The following ZNF208 variants were observed in gnomAD, a reference collection of about 807,000 sequenced individuals.
ZNF208 encodes zinc finger protein 95.
A neutral mutation model predicts 12.1 loss-of-function variants in ZNF208; 10 were observed. The ratio of observed to expected loss-of-function variants is 0.83; its 90% CI spans 0.51 to 1.40. The LOEUF (loss-of-function observed/expected upper bound fraction) is 1.40. Among genes scored for constraint, ZNF208 ranks in the 40% most tolerant of loss-of-function variants. ZNF208 has a pLI of 0.00. For synonymous variants in ZNF208, 497 were observed against 488.4 expected (o/e 1.02, Z -0.23); for missense variants, 1,652 against 1,485.0 (o/e 1.11, Z -1.85).
intron 4 of ZNF208, among the ~76,000 whole-genome samples, chr19:21,943,863 A>G (rs1969779713): frequency 6.6e-6 from 1 of 152,234 alleles, no homozygotes; most frequent in South Asian, 2.1e-4. Flanking sequence ...GTATTGAGCC[A>G]GAATGATATG....
chr19:22,010,229 TG>T (rs1316567380), intron 1 of ZNF208, among the ~76,000 whole-genome samples: 1 of 152,096 alleles, frequency 6.6e-6, no homozygotes, highest in Non-Finnish European at 1.5e-5. Flanking sequence ...ACTACGTAAC[TG>T]TACCTAACCA....
chr19:21,957,941 C>A (rs1004147965), intron 4 of ZNF208, among the ~76,000 whole-genome samples: 10 of 151,980 alleles, frequency 6.6e-5, no homozygotes, highest in African/African-American at 2.4e-4. Context: ...CCCATTAACT[C>A]ATCATTTAGC....
rs1342128158 is a variant in ZNF208 at position 21,966,731 on chromosome 19, A to G, written c.*4460T>C. The stretch of plus-strand genomic sequence containing the variant: ...TAATTTGCATTCCCACCAACAGTGT[A>G]GAAAGATTTCCTTATCTCTACAACT... On this transcript the variant is annotated 3_prime_UTR_variant, in exon 4 of 4. Transcript: ENST00000397126. 1 of 152,184 alleles carries G rather than the reference A, an allele frequency of 6.6e-6. No homozygotes were observed. Among genetic ancestry groups the G allele is most frequent in the African/African-American group, 2.4e-5 (1 of 41,452 alleles). 9.4% of individuals were successfully genotyped at this position (152,184 alleles called of 1,614,324 possible). A position where few individuals can be genotyped will look rare whatever the true frequency, so the allele number is the denominator to read the frequency against.
At chr19:22,003,042 C>A (rs1970981695) in intron 1 of ZNF208, among the ~76,000 whole-genome samples, 2 of 152,204 alleles carry the variant, frequency 1.3e-5, no homozygotes, top group African/African-American at 4.8e-5. Context: ...AGAAATAATG[C>A]CACACACCTA....
chr19:21,984,638 T>A (rs1315585445), intron 3 of ZNF208, among the ~76,000 whole-genome samples: 2 of 152,204 alleles, frequency 1.3e-5, no homozygotes, highest in Non-Finnish European at 2.9e-5. Flanking sequence ...AAGGTTGTAA[T>A]GTTAATATTG....
At chr19:21,947,576 C>T (rs1490301247) in intron 4 of ZNF208, among the ~76,000 whole-genome samples, 1 of 152,174 alleles carries the variant, frequency 6.6e-6, no homozygotes, top group African/African-American at 2.4e-5. Flanking sequence ...CTGATAAGGC[C>T]TCATGCCCTA....
chr19:22,007,570 T>A (rs377000167), intron 1 of ZNF208, among the ~76,000 whole-genome samples: 2,627 of 132,196 alleles, frequency 0.02, 69 homozygotes, highest in African/African-American at 0.069. Flanking sequence ...TCTGAGAAAA[T>A]AAAAGATGAA....
Position 21,973,635 on chromosome 19 carries a change from T to G in ZNF208, c.1399A>C (p.Ile467Leu), listed in dbSNP as rs142011785. The change falls in exon 4 of 4, where the codon ATC (isoleucine) becomes CTC (leucine). Residue 467 changes from isoleucine to leucine, a missense_variant. Around this residue, in one of 3 missense-constraint regions of ZNF208, gnomAD observed 1,239 missense variants for 1,086.2 expected, o/e 1.14. Transcript: ENST00000397126. Reference sequence around the variant, plus strand: ...TGAATTACCTTATGTTTAGTAAGGATTGAGAACATACTAAAGCCTTTGCCA... The same window carrying G: ...TGAATTACCTTATGTTTAGTAAGGAGTGAGAACATACTAAAGCCTTTGCCA... Reference protein sequence around the residue: ...ECGKGFSMFSILTKHKVIHNG... With the variant: ...ECGKGFSMFSLLTKHKVIHNG... 2.9e-5 allele frequency: 46 copies of G among 1,611,260 alleles called. No individual in the cohort carries two copies. In the Middle Eastern group the frequency reaches 1.2e-3, roughly 41 times the overall value.
intron 3 of ZNF208, among the ~76,000 whole-genome samples, chr19:21,983,257 C>G (rs1264110712): frequency 6.6e-6 from 1 of 151,922 alleles, no homozygotes; most frequent in Admixed American, 6.6e-5. Context: ...TGAAAAAAAG[C>G]ACATCATCAC....
At chr19:21,980,599 C>T (rs192985116) in intron 3 of ZNF208, among the ~76,000 whole-genome samples, 2 of 152,020 alleles carry the variant, frequency 1.3e-5, no homozygotes, top group South Asian at 2.1e-4. Context: ...CACTAAATGC[C>T]CACAAAAGAA....
chr19:21,966,760 AC>A lies in ZNF208; in HGVS notation c.*4430del. On this transcript the variant is annotated 3_prime_UTR_variant, in exon 4 of 4. Coordinates refer to ENST00000397126, the MANE Select transcript of ZNF208 (RefSeq NM_007153.3). Reference sequence around the variant, plus strand: ...AGATTTCCTTATCTCTACAACTTCAACATCTTATTTATCTTACTTTTAATAA... The same window carrying A: ...AGATTTCCTTATCTCTACAACTTCAAATCTTATTTATCTTACTTTTAATAA... The A allele has an allele frequency of 6.6e-6, 1 of 152,250 alleles. No individual in the cohort carries two copies. The highest frequency in any genetic ancestry group is 3.4e-3 in the Middle Eastern group (1 of 294). The allele number at this position is 152,250 out of a possible 1,614,324, so 9.4% of individuals were successfully genotyped here.
intron 4 of ZNF208, among the ~76,000 whole-genome samples, chr19:21,956,059 AG>A (rs1297819208): frequency 1.3e-5 from 2 of 152,190 alleles, no homozygotes; most frequent in Non-Finnish European, 2.9e-5. Flanking sequence ...TCTAACAGTC[AG>A]GACCCTCAGC....
At chr19:22,005,391 T>C (rs1220571787) in intron 1 of ZNF208, among the ~76,000 whole-genome samples, 1 of 152,214 alleles carries the variant, frequency 6.6e-6, no homozygotes, top group Non-Finnish European at 1.5e-5. Flanking sequence ...ACAGCCTGTG[T>C]AGAGGAGATC....
chr19:22,001,484 C>A (rs1970945100), intron 1 of ZNF208, among the ~76,000 whole-genome samples: 1 of 152,062 alleles, frequency 6.6e-6, no homozygotes, highest in South Asian at 2.1e-4. Context: ...AAAGAAGAAA[C>A]TCCTCTCCAA....
chr19:21,987,009 C>T, intron 3 of ZNF208: 1 of 522,490 alleles, frequency 1.9e-6, no homozygotes, highest in Non-Finnish European at 3.3e-6. Flanking sequence ...AGGAAGATTA[C>T]TGAAGGGAAA....
chr19:22,010,550 C>A (rs1971128031), intron 1 of ZNF208, among the ~76,000 whole-genome samples: 2 of 152,224 alleles, frequency 1.3e-5, no homozygotes, highest in Admixed American at 1.3e-4. Flanking sequence ...TGCAGAGCGG[C>A]CCCAAGAGGG....
intron 3 of ZNF208, among the ~76,000 whole-genome samples, chr19:21,984,792 AAATAAT>A (rs909687504): frequency 6.6e-6 from 1 of 152,194 alleles, no homozygotes; most frequent in South Asian, 2.1e-4. Context: ...AACAATCTTA[AAATAAT>A]AATAATAAAG....
intron 2 of ZNF208, among the ~76,000 whole-genome samples, chr19:21,987,695 G>T (rs1210695306): frequency 6.6e-6 from 1 of 152,142 alleles, no homozygotes; most frequent in Non-Finnish European, 1.5e-5. Flanking sequence ...CTGCTCTCCG[G>T]TAAGTTAAAG....
At chr19:21,984,855 C>A (rs534989762) in intron 3 of ZNF208, among the ~76,000 whole-genome samples, 3 of 152,104 alleles carry the variant, frequency 2.0e-5, no homozygotes, top group African/African-American at 7.2e-5. Flanking sequence ...ACATTCCAAG[C>A]CACAGAATTA....
Sources: allele counts gnomAD v4.1 joint callset (sites outside exome capture counted in the v4.1 genomes callset), GRCh38; gene constraint gnomAD v4.1.1; regional missense constraint gnomAD v4.1.1; transcripts MANE v1.5; gene names NCBI Gene and HGNC (gene_info 2026-07-23, HGNC 2026-07-21).